The following SLC24A3 variants were observed in gnomAD, a reference collection of about 807,000 sequenced individuals.
SLC24A3 encodes solute carrier family 24 member 3.
SLC24A3 carries 28 observed loss-of-function variants against 75.8 expected under a neutral mutation model. The ratio of observed to expected loss-of-function variants is 0.37; its 90% CI spans 0.27 to 0.51. The LOEUF is 0.51. SLC24A3 is among the 20% of genes least tolerant of loss of function. The pLI is 0.94. For missense variants in SLC24A3, 663 were observed against 847.8 expected, an observed-to-expected ratio of 0.78 and a Z score of 2.71; for synonymous variants, 372 against 334.1, an observed-to-expected ratio of 1.11 and a Z score of -1.24.
At chr20:19,384,066 T>A (rs957991899) in intron 2 of SLC24A3, among the ~76,000 whole-genome samples, 1 of 152,240 alleles carries the variant, frequency 6.6e-6, no homozygotes, top group African/African-American at 2.4e-5. Context: ...CAAAATTATA[T>A]ATGTTTAAGG....
chr20:19,568,382 G>A (rs1054958299), intron 3 of SLC24A3, among the ~76,000 whole-genome samples: 1 of 152,160 alleles, frequency 6.6e-6, no homozygotes, highest in African/African-American at 2.4e-5. Context: ...CAGATAAATG[G>A]ATAAGCACAT....
At chr20:19,364,705 T>C (rs1985854312) in intron 2 of SLC24A3, among the ~76,000 whole-genome samples, 1 of 152,160 alleles carries the variant, frequency 6.6e-6, no homozygotes, top group Non-Finnish European at 1.5e-5. Context: ...TCCTCCTGCC[T>C]TGGTCTCCCA....
intron 1 of SLC24A3, among the ~76,000 whole-genome samples, chr20:19,228,368 G>A (rs376687816): frequency 1.3e-5 from 2 of 152,098 alleles, no homozygotes; most frequent in African/African-American, 2.4e-5. Context: ...GGCCGGGCGC[G>A]GTGGCTCACG....
At chr20:19,669,809 G>C (rs186599806) in intron 8 of SLC24A3, among the ~76,000 whole-genome samples, 35 of 152,264 alleles carry the variant, frequency 2.3e-4, no homozygotes, top group Non-Finnish European at 2.1e-4. Context: ...GTGTACCCAG[G>C]TGAGGAGAGG....
Position 19,533,868 on chromosome 20 carries a change from C to T in SLC24A3, c.348+18304C>T, listed in dbSNP as rs2030348147. On this transcript the variant is annotated intron_variant, in intron 3 of 16. Transcript: ENST00000328041. ...AAGACAGGTAGACCAGCTGCCTTCC[C>T]CCAGCTGTCCCACATCTCAAAAGAA... 3.3e-5 allele frequency among the ~76,000 whole-genome samples: 5 copies of T among 152,326 alleles called. No homozygotes were observed. The South Asian group carries it at 1.0e-3, about 32-fold the overall frequency.
intron 2 of SLC24A3, among the ~76,000 whole-genome samples, chr20:19,487,484 T>C (rs1988146677): frequency 6.6e-6 from 1 of 152,182 alleles, no homozygotes; most frequent in Admixed American, 6.5e-5. Context: ...ACTATACAGA[T>C]TTCCATAGCA....
chr20:19,297,771 A>G (rs893277350), intron 2 of SLC24A3, among the ~76,000 whole-genome samples: 1 of 152,228 alleles, frequency 6.6e-6, no homozygotes, highest in Admixed American at 6.5e-5. Flanking sequence ...AAACTTTTAA[A>G]GAGACTTTTG....
chr20:19,213,598 C>G (rs538686818), intron 1 of SLC24A3: 2 of 152,484 alleles, frequency 1.3e-5, no homozygotes, highest in African/African-American at 4.8e-5. Flanking sequence ...ACAGGGAATT[C>G]TTCCTCAGAG....
At chr20:19,346,331 T>TGTATATG (rs1985424109) in intron 2 of SLC24A3, among the ~76,000 whole-genome samples, 1 of 69,208 alleles carries the variant, frequency 1.4e-5, no homozygotes, top group African/African-American at 7.7e-5. Context: ...ATATATATGG[T>TGTATATG]GTATATATAT....
rs546683393 is a variant in SLC24A3, at chr20:19,612,305, A to G, written c.612+26761A>G. 1.2e-4 allele frequency among the ~76,000 whole-genome samples: 19 copies of G among 152,314 alleles called. No individual in the cohort carries two copies. The East Asian group carries it at 1.7e-3, about 14-fold the overall frequency. ...TACCTTCAAAATACATCCAGATGCAAAGTTACTGCTAGACGGGAGGAAGAA... is the reference window on the plus strand; with the variant it reads ...TACCTTCAAAATACATCCAGATGCAGAGTTACTGCTAGACGGGAGGAAGAA... On this transcript the variant is annotated intron_variant, in intron 6 of 16. Coordinates refer to ENST00000328041, the MANE Select transcript of SLC24A3 (RefSeq NM_020689.4).
intron 2 of SLC24A3, among the ~76,000 whole-genome samples, chr20:19,487,282 T>C (rs1988143600): frequency 6.6e-6 from 1 of 152,182 alleles, no homozygotes; most frequent in African/African-American, 2.4e-5. Context: ...GCGTTAGGAA[T>C]CTTTGTTTCC....
intron 2 of SLC24A3, among the ~76,000 whole-genome samples, chr20:19,303,476 G>A (rs1057451299): frequency 1.3e-5 from 2 of 152,138 alleles, no homozygotes; most frequent in Non-Finnish European, 2.9e-5. Context: ...GAACATATGC[G>A]TGCCTGTATC....
intron 2 of SLC24A3, among the ~76,000 whole-genome samples, chr20:19,411,573 T>C (rs1568611229): frequency 6.6e-6 from 1 of 152,192 alleles, no homozygotes; most frequent in Admixed American, 6.5e-5. Flanking sequence ...CCCTGGCTGT[T>C]GGAACAATCT....
intron 12 of SLC24A3, among the ~76,000 whole-genome samples, chr20:19,686,792 A>T (rs1390275106): frequency 2.6e-5 from 4 of 152,172 alleles, no homozygotes; most frequent in African/African-American, 7.2e-5. Flanking sequence ...ATCAGAAAAT[A>T]TTCATCCAGA....
intron 1 of SLC24A3, among the ~76,000 whole-genome samples, chr20:19,264,417 T>G (rs1316963698): frequency 1.3e-5 from 2 of 152,088 alleles, no homozygotes; most frequent in Admixed American, 1.3e-4. Context: ...GCTTCCTGGC[T>G]CAGGGCCTTC....
intron 2 of SLC24A3, among the ~76,000 whole-genome samples, chr20:19,356,817 A>C (rs1367054314): frequency 6.6e-6 from 1 of 151,438 alleles, no homozygotes; most frequent in Non-Finnish European, 1.5e-5. Flanking sequence ...ACTGCTCTAC[A>C]TGGTCATCAG....
intron 6 of SLC24A3, among the ~76,000 whole-genome samples, chr20:19,627,007 T>C (rs931905172): frequency 1.3e-5 from 2 of 152,192 alleles, no homozygotes; most frequent in Non-Finnish European, 2.9e-5. Context: ...TACAAACTGG[T>C]AGGAAATGGC....
intron 3 of SLC24A3, among the ~76,000 whole-genome samples, chr20:19,523,666 C>T (rs1353822044): frequency 1.3e-5 from 2 of 152,144 alleles, no homozygotes; most frequent in African/African-American, 4.8e-5. Context: ...AGTCGTAGTC[C>T]TGAATTTTCC....
At chr20:19,482,996 A>G (rs1461219437) in intron 2 of SLC24A3, among the ~76,000 whole-genome samples, 1 of 152,250 alleles carries the variant, frequency 6.6e-6, no homozygotes, top group Admixed American at 6.5e-5. Flanking sequence ...CTTTCAGCAC[A>G]TGATGTAGTC....
Sources: allele counts gnomAD v4.1 joint callset (sites outside exome capture counted in the v4.1 genomes callset), GRCh38; gene constraint gnomAD v4.1.1; transcripts MANE v1.5; gene names NCBI Gene and HGNC (gene_info 2026-07-23, HGNC 2026-07-21).